Variants in GABBR2 observed in about 807,000 individuals in gnomAD.
The protein encoded by GABBR2 is G-protein coupled receptor 51.
Under a neutral mutation model 105.6 loss-of-function variants are expected in GABBR2, and 23 were observed. That is an observed-to-expected ratio of 0.22 (90% CI 0.16 to 0.31). The LOEUF (loss-of-function observed/expected upper bound fraction) is 0.31, where lower values mean the gene tolerates loss of function less well. GABBR2 is among the 10% of genes least tolerant of loss of function. The probability of loss-of-function intolerance (pLI) is 1.00; values close to 1 mark genes in which losing one functional copy is unlikely to be tolerated. For synonymous variants in GABBR2, 478 were observed against 499.7 expected (o/e 0.96, Z 0.58); for missense variants, 734 against 1,245.5 (o/e 0.59, Z 6.18).
At chr9:98,681,603 T>A (rs1428039304) in intron 1 of GABBR2, among the ~76,000 whole-genome samples, 2 of 151,930 alleles carry the variant, frequency 1.3e-5, no homozygotes, top group African/African-American at 2.4e-5. Flanking sequence ...TTTAAAAAGA[T>A]ATTTGTGAAG....
chr9:98,543,615 C>T (rs1828347458), intron 2 of GABBR2, among the ~76,000 whole-genome samples: 1 of 152,180 alleles, frequency 6.6e-6, no homozygotes, highest in Admixed American at 6.5e-5. Flanking sequence ...CTGGCCTCAG[C>T]CTCCTGAGTC....
At chr9:98,419,542 TCAAA>T (rs1200244734) in intron 7 of GABBR2, among the ~76,000 whole-genome samples, 1 of 152,112 alleles carries the variant, frequency 6.6e-6, no homozygotes, top group Non-Finnish European at 1.5e-5. Context: ...GAAGAACCTC[TCAAA>T]CAAAATTTCA....
chr9:98,514,638 G>A (rs1343439426), intron 3 of GABBR2, among the ~76,000 whole-genome samples: 4 of 121,474 alleles, frequency 3.3e-5, no homozygotes, highest in African/African-American at 6.2e-5. Context: ...GTCACACACC[G>A]GGGACTGTTG....
intron 1 of GABBR2, among the ~76,000 whole-genome samples, chr9:98,677,454 C>T (rs1169334101): frequency 6.6e-6 from 1 of 152,156 alleles, no homozygotes. Context: ...AATTTTTTTT[C>T]TGGTCCTCAT....
intron 11 of GABBR2, among the ~76,000 whole-genome samples, chr9:98,373,772 TATC>T (rs566420765): frequency 7.2e-4 from 109 of 151,850 alleles, no homozygotes; most frequent in African/African-American, 2.5e-3. Flanking sequence ...GATGAAGTAA[TATC>T]ATCATTTTTA....
chr9:98,467,130 G>A (rs1284872818), intron 6 of GABBR2, among the ~76,000 whole-genome samples: 1 of 152,190 alleles, frequency 6.6e-6, no homozygotes, highest in Non-Finnish European at 1.5e-5. Flanking sequence ...TATCTAGCAT[G>A]GAAGGCTGGG....
intron 6 of GABBR2, among the ~76,000 whole-genome samples, chr9:98,470,796 T>G (rs76092386): frequency 1.5e-3 from 218 of 143,704 alleles, no homozygotes; most frequent in African/African-American, 5.6e-3. Flanking sequence ...CATCATGGGG[T>G]TTTTTTTTTG....
chr9:98,462,974 C>T lies in GABBR2; in HGVS notation c.1000-8757G>A, dbSNP rs537258054. Among the ~76,000 whole-genome samples the T allele has an allele frequency of 7.0e-4, 107 of 152,230 alleles. 1 individual carries two copies. The highest frequency in any genetic ancestry group is 2.2e-3 in the African/African-American group (91 of 41,518). The stretch of plus-strand genomic sequence containing the variant: ...TGTAATCTTGGCTCACTATAACCTC[C>T]GCCTCCTGGGTTCAAGCGATCCTCC... On this transcript the variant is annotated intron_variant, in intron 6 of 18. Coordinates refer to ENST00000259455, the MANE Select transcript of GABBR2 (RefSeq NM_005458.8).
At chr9:98,580,909 T>C (rs1276259481) in intron 1 of GABBR2, among the ~76,000 whole-genome samples, 1 of 151,916 alleles carries the variant, frequency 6.6e-6, no homozygotes, top group Non-Finnish European at 1.5e-5. Flanking sequence ...CATTTTTTTC[T>C]GCTTGTTCTC....
chr9:98,592,819 A>G (rs1401260343), intron 1 of GABBR2, among the ~76,000 whole-genome samples: 1 of 152,162 alleles, frequency 6.6e-6, no homozygotes, highest in Admixed American at 6.5e-5. Context: ...TGGAGCACTA[A>G]AAGGGTGAAT....
chr9:98,385,807 T>C (rs2131489830), intron 10 of GABBR2, 35 bp from the exon 11 acceptor site: 4 of 1,575,734 alleles, frequency 2.5e-6, no homozygotes, highest in Non-Finnish European at 2.6e-6. Flanking sequence ...TTTAACAGAA[T>C]GGTTAATTTA....
At chr9:98,299,908 A>C (rs1314146556) in intron 16 of GABBR2, among the ~76,000 whole-genome samples, 1 of 152,154 alleles carries the variant, frequency 6.6e-6, no homozygotes, top group African/African-American at 2.4e-5. Context: ...TGTCACCCAG[A>C]TTAGAGTGCA....
Position 98,499,624 on chromosome 9 carries a change from C to G in GABBR2, c.631-3110G>C, listed in dbSNP as rs141159657. Among the ~76,000 whole-genome samples the G allele has an allele frequency of 5.6e-3, 846 of 152,368 alleles. 4 individuals are homozygous for G. The highest frequency in any genetic ancestry group is 9.0e-3 in the Non-Finnish European group (612 of 68,032). ...ATGGAAAAGAAATAATGTAATAGAT[C>G]TTCCTCACAAGGGAAAACAATTTAC... is the stretch of plus-strand genomic sequence containing the variant. On this transcript the variant is annotated intron_variant, in intron 3 of 18. Coordinates refer to ENST00000259455, the MANE Select transcript of GABBR2 (RefSeq NM_005458.8).
chr9:98,402,035 T>C (rs202092328), intron 8 of GABBR2, among the ~76,000 whole-genome samples: 1 of 152,192 alleles, frequency 6.6e-6, no homozygotes, highest in East Asian at 1.9e-4. Context: ...AATTATGTCG[T>C]TAGAGTGAAG....
intron 13 of GABBR2, among the ~76,000 whole-genome samples, chr9:98,311,560 G>C (rs79302447): frequency 6.6e-6 from 1 of 152,208 alleles, no homozygotes; most frequent in Non-Finnish European, 1.5e-5. Context: ...TTGTGAGAAT[G>C]AGGTATAAAG....
intron 12 of GABBR2, among the ~76,000 whole-genome samples, chr9:98,365,744 C>T (rs763045472): frequency 2.4e-4 from 37 of 152,146 alleles, no homozygotes; most frequent in Non-Finnish European, 4.6e-4. Flanking sequence ...TATACAAGTA[C>T]ACCCGTGGGA....
intron 2 of GABBR2, among the ~76,000 whole-genome samples, chr9:98,571,592 G>T (rs1282194145): frequency 6.6e-6 from 1 of 152,162 alleles, no homozygotes; most frequent in African/African-American, 2.4e-5. Context: ...ACCTAGACCT[G>T]CTCAGAGTGG....
intron 3 of GABBR2, among the ~76,000 whole-genome samples, chr9:98,540,850 C>A (rs1206141575): frequency 6.6e-6 from 1 of 152,188 alleles, no homozygotes; most frequent in Non-Finnish European, 1.5e-5. Context: ...TTGTACTCAT[C>A]TGAGTGAGGC....
At chr9:98,511,324 C>T (rs1228733251) in intron 3 of GABBR2, among the ~76,000 whole-genome samples, 1 of 149,888 alleles carries the variant, frequency 6.7e-6, no homozygotes, top group African/African-American at 2.5e-5. Context: ...AAATTGACAC[C>T]CTAACATCAC....
Sources: allele counts gnomAD v4.1 joint callset (sites outside exome capture counted in the v4.1 genomes callset), GRCh38; gene constraint gnomAD v4.1.1; transcripts MANE v1.5; gene names NCBI Gene and HGNC (gene_info 2026-07-23, HGNC 2026-07-21).